Variants in PCSK1 observed in about 807,000 individuals in gnomAD.
PCSK1 encodes proprotein convertase subtilisin/kexin type 1.
Under a neutral mutation model 90.6 loss-of-function variants are expected in PCSK1, and 56 were observed. The observed-to-expected ratio is 0.62, with a 90% confidence interval of 0.50 to 0.77. The LOEUF (loss-of-function observed/expected upper bound fraction) is 0.77. Ranked by LOEUF, PCSK1 falls within the 30% of genes least tolerant of loss-of-function variation. The probability of loss-of-function intolerance (pLI) is 0.00; values close to 1 mark genes in which losing one functional copy is unlikely to be tolerated. For synonymous variants in PCSK1, 348 were observed against 342.4 expected, an observed-to-expected ratio of 1.02 and a Z score of -0.18; for missense variants, 801 against 932.6, an observed-to-expected ratio of 0.86 and a Z score of 1.84.
Position 96,432,856 on chromosome 5 carries a change from C to T in PCSK1, c.180+7G>A, listed in dbSNP as rs1761550079. 2 of 1,612,682 alleles carry T rather than the reference C, an allele frequency of 1.2e-6. No individual in the cohort carries two copies. Among genetic ancestry groups the T allele is most frequent in the Middle Eastern group, 1.9e-4 (1 of 5,366 alleles). ...CCAGAAAGTTTCTTGAAAGTGGAAACTCTTACCTGACCCAAAAGGTCATAG... is the reference window on the plus strand; with the variant it reads ...CCAGAAAGTTTCTTGAAAGTGGAAATTCTTACCTGACCCAAAAGGTCATAG... On this transcript the variant is annotated splice_region_variant and intron_variant, in intron 1 of 13. Transcript: ENST00000311106.
chr5:96,407,228 CAAATT>C (rs1398014898), intron 9 of PCSK1, among the ~76,000 whole-genome samples: 5 of 151,906 alleles, frequency 3.3e-5, no homozygotes, highest in Admixed American at 6.6e-5. Context: ...TACATAGAAA[CAAATT>C]AAAAGGTAAA....
At chr5:96,425,321 G>A (rs560518237) in intron 3 of PCSK1, among the ~76,000 whole-genome samples, 2 of 152,324 alleles carry the variant, frequency 1.3e-5, no homozygotes, top group East Asian at 1.9e-4. Flanking sequence ...AAGGTAGAAT[G>A]GTTTGCAAGT....
chr5:96,419,274 A>AT (rs947679999), intron 5 of PCSK1, among the ~76,000 whole-genome samples: 60 of 149,832 alleles, frequency 4.0e-4, no homozygotes, highest in African/African-American at 1.4e-3. Flanking sequence ...AGTTAGAGGT[A>AT]TTAAATGAGT....
intron 7 of PCSK1, among the ~76,000 whole-genome samples, chr5:96,412,107 G>A (rs771106889): frequency 6.6e-5 from 10 of 152,156 alleles, no homozygotes; most frequent in Non-Finnish European, 8.8e-5. Context: ...CTTGGCCATC[G>A]CGCCTGGCCA....
intron 12 of PCSK1, 36 bp from the exon 13 acceptor site, chr5:96,395,061 T>G: frequency 6.7e-7 from 1 of 1,497,242 alleles, no homozygotes; most frequent in South Asian, 1.1e-5. Context: ...AGTATGTGTT[T>G]TAGATAATAT....
chr5:96,432,252 A>C (rs1761530363), intron 1 of PCSK1: 3 of 830,794 alleles, frequency 3.6e-6, no homozygotes, highest in African/African-American at 1.7e-5. Context: ...CGTGTCTTTC[A>C]CCCACCATTT....
At chr5:96,425,035 AG>A (rs1385045007) in intron 3 of PCSK1, among the ~76,000 whole-genome samples, 48 of 141,516 alleles carry the variant, frequency 3.4e-4, no homozygotes, top group South Asian at 1.8e-3. Flanking sequence ...AAAGAAAGAA[AG>A]AAAGAAAGAA....
chr5:96,410,636 T>A (rs1451980862), intron 8 of PCSK1, 138 bp downstream of exon 8: 1 of 751,154 alleles, frequency 1.3e-6, no homozygotes, highest in African/African-American at 1.7e-5. Flanking sequence ...GCCTTTCAAG[T>A]GAGTAAGTGT....
At chr5:96,432,461 G>A (rs1392552875) in intron 1 of PCSK1, among the ~76,000 whole-genome samples, 1 of 152,190 alleles carries the variant, frequency 6.6e-6, no homozygotes, top group African/African-American at 2.4e-5. Flanking sequence ...GGCTCCTGAC[G>A]CAGACCGCCT....
At chr5:96,407,684 G>C (rs1162547343) in intron 9 of PCSK1, among the ~76,000 whole-genome samples, 1 of 152,202 alleles carries the variant, frequency 6.6e-6, no homozygotes, top group African/African-American at 2.4e-5. Context: ...AAGGAAATTT[G>C]TGTTTATACA....
At chr5:96,397,943 C>A (rs1016291666) in intron 11 of PCSK1, among the ~76,000 whole-genome samples, 20 of 149,558 alleles carry the variant, frequency 1.3e-4, no homozygotes, top group Non-Finnish European at 2.8e-4. Flanking sequence ...CATTAATAAT[C>A]ATAATTATTT....
chr5:96,416,357 C>A (rs1446822385), intron 5 of PCSK1, among the ~76,000 whole-genome samples: 1 of 152,124 alleles, frequency 6.6e-6, no homozygotes. Flanking sequence ...AGGGTGTGAC[C>A]TTGGGTAAGT....
chr5:96,423,457 T>C lies in PCSK1; in HGVS notation c.399A>G (p.Gln133=). Residue 133 remains glutamine (Q), a splice_region_variant and synonymous_variant, in exon 4 of 14, where the codon CAA becomes CAG. Transcript: ENST00000311106. ...DPMWNQQWYL[Q]DTRMTAALPK... is the part of the protein sequence containing the mutation. The stretch of plus-strand genomic sequence containing the variant: ...GCAGGGCTGCCGTCATCCTGGTATC[T>C]TGCTGGTAAAGAAAAACAACGAAGC... 1 of 1,614,074 alleles carries C rather than the reference T, an allele frequency of 6.2e-7. No homozygotes were observed. Among genetic ancestry groups the C allele is most frequent in the Non-Finnish European group, 8.5e-7 (1 of 1,179,908 alleles).
chr5:96,433,216 G>C lies in PCSK1; in HGVS notation c.-174C>G. 1.5e-6 allele frequency: 1 copy of C among 656,356 alleles called. No individual in the cohort carries two copies. Among genetic ancestry groups the C allele is most frequent in the South Asian group, 1.7e-5 (1 of 59,098 alleles). The allele number at this position is 656,356 out of a possible 1,614,324, so 40.7% of individuals were successfully genotyped here. ...GAGGAGAGGCTGGGCGGCGGCGAGC[G>C]CTCAGTGAAGCGCTTCGGTCTCCAG... On this transcript the variant is annotated 5_prime_UTR_variant, in exon 1 of 14. Transcript: ENST00000311106.
chr5:96,403,900 A>G (rs760884900), intron 9 of PCSK1, among the ~76,000 whole-genome samples: 1 of 152,186 alleles, frequency 6.6e-6, no homozygotes, highest in Non-Finnish European at 1.5e-5. Flanking sequence ...CCAGGTTTTA[A>G]TAAGACCAGA....
At chr5:96,414,894 C>T (rs1760891443) in intron 6 of PCSK1, among the ~76,000 whole-genome samples, 1 of 151,986 alleles carries the variant, frequency 6.6e-6, no homozygotes, top group African/African-American at 2.4e-5. Context: ...TAAGAGTGCC[C>T]TATATTCATG....
intron 5 of PCSK1, among the ~76,000 whole-genome samples, chr5:96,421,257 A>G (rs1272039955): frequency 6.6e-6 from 1 of 152,226 alleles, no homozygotes; most frequent in Non-Finnish European, 1.5e-5. Context: ...TTCAAGGGAC[A>G]GAGAGTTAAT....
chr5:96,397,235 C>T (rs556387034), intron 12 of PCSK1, 101 bp downstream of exon 12: 5 of 1,012,716 alleles, frequency 4.9e-6, no homozygotes, highest in African/African-American at 4.8e-5. Context: ...AGAAGGGGTA[C>T]AATTCTTTAG....
chr5:96,405,858 GC>G (rs1396702096), intron 9 of PCSK1, among the ~76,000 whole-genome samples: 1 of 152,174 alleles, frequency 6.6e-6, no homozygotes, highest in African/African-American at 2.4e-5. Flanking sequence ...ACAAGGATGG[GC>G]TAGGCACGGC....
Sources: gnomAD v4.1 joint callset for allele counts (sites outside exome capture counted in the v4.1 genomes callset) on GRCh38, gnomAD v4.1.1 for gene constraint, MANE v1.5 for transcripts, NCBI Gene and HGNC (gene_info 2026-07-23, HGNC 2026-07-21) for gene names.